The following CSGALNACT1 variants were observed in gnomAD, a reference collection of about 807,000 sequenced individuals.
The protein encoded by CSGALNACT1 is chondroitin sulfate N-acetylgalactosaminyltransferase 1, also known as beta4GalNAcT-1.
Under a neutral mutation model 51.0 loss-of-function variants are expected in CSGALNACT1, and 52 were observed. The observed-to-expected ratio is 1.02, with a 90% CI of 0.82 to 1.29. CSGALNACT1 has a LOEUF of 1.29. Ranked by LOEUF, CSGALNACT1 falls within the 50% of genes most tolerant of loss-of-function variation. The pLI is 0.00. For missense variants in CSGALNACT1, 935 were observed against 679.2 expected (o/e 1.38, Z -4.19); for synonymous variants, 341 against 254.4 (o/e 1.34, Z -3.24).
In CSGALNACT1 at chr8:19,428,673, G is replaced by C. The variant is rs148912399; in HGVS notation, c.954-8155C>G. On this transcript the variant is annotated intron_variant, in intron 6 of 9. Transcript: ENST00000454498. ...GGATACTGTGCTTTTACATCATTAA[G>C]TACGATGCTTCTTTTATGTCTTAAA... Among the ~76,000 whole-genome samples, 472 of 152,264 alleles carry C rather than the reference G, an allele frequency of 3.1e-3. 7 individuals are homozygous for C. In the South Asian group the frequency reaches 0.038, roughly 12 times the overall value.
At chr8:19,434,404 A>G (rs2060076300) in intron 6 of CSGALNACT1, among the ~76,000 whole-genome samples, 1 of 152,152 alleles carries the variant, frequency 6.6e-6, no homozygotes, top group South Asian at 2.1e-4. Context: ...ATTTTACCAC[A>G]TTTGCTTTTT....
chr8:19,593,390 T>C (rs1354606779), intron 2 of CSGALNACT1, among the ~76,000 whole-genome samples: 1 of 152,216 alleles, frequency 6.6e-6, no homozygotes, highest in African/African-American at 2.4e-5. Flanking sequence ...CTGCATCATT[T>C]TGTGGTCCTC....
At chr8:19,644,659 G>A (rs1248912515) in intron 1 of CSGALNACT1, among the ~76,000 whole-genome samples, 3 of 137,700 alleles carry the variant, frequency 2.2e-5, no homozygotes, top group East Asian at 2.2e-4. Context: ...GCAGTGAGCC[G>A]AGATGGTGCT....
chr8:19,669,941 A>G (rs2059662527), intron 1 of CSGALNACT1, among the ~76,000 whole-genome samples: 1 of 152,156 alleles, frequency 6.6e-6, no homozygotes, highest in Non-Finnish European at 1.5e-5. Context: ...CTGTGGACAA[A>G]CAACTCACTC....
intron 3 of CSGALNACT1, among the ~76,000 whole-genome samples, chr8:19,562,600 CA>C (rs1294858481): frequency 1.3e-5 from 2 of 151,234 alleles, no homozygotes; most frequent in African/African-American, 2.4e-5. Flanking sequence ...AAATTTACAA[CA>C]AAAAAATAAA....
At chr8:19,588,784 G>A (rs1749997338) in intron 3 of CSGALNACT1, among the ~76,000 whole-genome samples, 1 of 152,174 alleles carries the variant, frequency 6.6e-6, no homozygotes, top group South Asian at 2.1e-4. Flanking sequence ...GGATATGGGG[G>A]ATGCGAGAGG....
At chr8:19,673,867 T>C (rs915685385) in intron 1 of CSGALNACT1, among the ~76,000 whole-genome samples, 13 of 152,238 alleles carry the variant, frequency 8.5e-5, no homozygotes, top group Admixed American at 4.6e-4. Flanking sequence ...AACCAACAAA[T>C]ATTTAGTGAG....
chr8:19,644,447 C>T (rs1240541469), intron 1 of CSGALNACT1, among the ~76,000 whole-genome samples: 32 of 149,884 alleles, frequency 2.1e-4, no homozygotes, highest in African/African-American at 5.9e-4. Context: ...CAGTGGCTCA[C>T]GCCTGTAATC....
At chr8:19,589,474 C>A (rs964091132) in intron 3 of CSGALNACT1, among the ~76,000 whole-genome samples, 1 of 152,110 alleles carries the variant, frequency 6.6e-6, no homozygotes, top group African/African-American at 2.4e-5. Context: ...TACGGGAGTG[C>A]ACCACCACAT....
rs761539023 is a variant in CSGALNACT1 at position 19,730,427 on chromosome 8, G to C, written c.-297+27423C>G. Among the ~76,000 whole-genome samples, 15 of 152,150 alleles carry C rather than the reference G, an allele frequency of 9.9e-5. 1 individual carries two copies. Among genetic ancestry groups the C allele is most frequent in the Non-Finnish European group, 1.5e-4 (10 of 68,028 alleles). ...TTGCTTATGCTAGGTGACTAAAAATGTTCTGTATTGTTAAACTGGTATTAT... is the reference window on the plus strand; with the variant it reads ...TTGCTTATGCTAGGTGACTAAAAATCTTCTGTATTGTTAAACTGGTATTAT... On this transcript the variant is annotated intron_variant, in intron 1 of 1. Transcript: ENST00000517494.
chr8:19,607,499 G>A (rs540650371), intron 1 of CSGALNACT1, among the ~76,000 whole-genome samples: 18 of 152,212 alleles, frequency 1.2e-4, no homozygotes, highest in Admixed American at 3.3e-4. Flanking sequence ...TCCAGCAAAC[G>A]GTCTGCAGTG....
At chr8:19,496,513 G>T (rs1402483281) in intron 4 of CSGALNACT1, among the ~76,000 whole-genome samples, 1 of 152,144 alleles carries the variant, frequency 6.6e-6, no homozygotes, top group East Asian at 1.9e-4. Flanking sequence ...TTTAAAGTAT[G>T]ATTTTATAAA....
At chr8:19,469,298 T>G (rs1327588022) in intron 4 of CSGALNACT1, among the ~76,000 whole-genome samples, 1 of 152,044 alleles carries the variant, frequency 6.6e-6, no homozygotes, top group Non-Finnish European at 1.5e-5. Flanking sequence ...GGTGCAGGCA[T>G]GAGGATCCCT....
chr8:19,615,457 C>T (rs2052873129), intron 1 of CSGALNACT1, among the ~76,000 whole-genome samples: 1 of 152,200 alleles, frequency 6.6e-6, no homozygotes, highest in Admixed American at 6.5e-5. Context: ...GTCAAACAAA[C>T]CAATTTTATT....
intron 3 of CSGALNACT1, among the ~76,000 whole-genome samples, chr8:19,573,570 T>C (rs2043485777): frequency 2.0e-5 from 3 of 152,046 alleles, no homozygotes; most frequent in South Asian, 2.1e-4. Flanking sequence ...CAGCTTCCCA[T>C]GTAGCTGGTA....
intron 8 of CSGALNACT1, among the ~76,000 whole-genome samples, chr8:19,418,303 G>T (rs1181629909): frequency 6.6e-6 from 1 of 152,042 alleles, no homozygotes; most frequent in Non-Finnish European, 1.5e-5. Flanking sequence ...CTGTCAAATG[G>T]GAACATAAAT....
intron 1 of CSGALNACT1, among the ~76,000 whole-genome samples, chr8:19,646,246 G>C (rs1432905704): frequency 6.6e-6 from 1 of 152,198 alleles, no homozygotes; most frequent in Non-Finnish European, 1.5e-5. Flanking sequence ...CATGTATCTG[G>C]ATCGTAAGAG....
chr8:19,565,573 C>T (rs1451972338), intron 3 of CSGALNACT1, among the ~76,000 whole-genome samples: 1 of 152,202 alleles, frequency 6.6e-6, no homozygotes, highest in East Asian at 1.9e-4. Flanking sequence ...CAAGTATTCT[C>T]TCCAGCTTCA....
chr8:19,752,119 T>C (rs2065070560), intron 1 of CSGALNACT1, among the ~76,000 whole-genome samples: 1 of 115,852 alleles, frequency 8.6e-6, no homozygotes, highest in African/African-American at 3.5e-5. Context: ...TTATATATAA[T>C]ATAAAATGTT....
Sources: allele counts gnomAD v4.1 joint callset (sites outside exome capture counted in the v4.1 genomes callset), GRCh38; gene constraint gnomAD v4.1.1; transcripts MANE v1.5; gene names NCBI Gene and HGNC (gene_info 2026-07-23, HGNC 2026-07-21).